RARB: variants seen among roughly 807,000 people sequenced by gnomAD.
The protein encoded by RARB is retinoic acid receptor beta, also known as HBV-activated protein.
A neutral mutation model predicts 51.9 loss-of-function variants in RARB; 17 were observed. The observed-to-expected ratio is 0.33, with a 90% CI of 0.22 to 0.49. RARB has a LOEUF of 0.49. Among genes scored for constraint, RARB ranks in the 20% least tolerant of loss-of-function variants. The pLI, the probability that RARB is intolerant of heterozygous loss-of-function variation, is 0.99. For missense variants in RARB, 369 were observed against 550.8 expected (o/e 0.67, Z 3.30); for synonymous variants, 215 against 195.4 (o/e 1.10, Z -0.84).
chr3:25,583,617 T>A (rs1207313311), intron 5 of RARB, among the ~76,000 whole-genome samples: 1 of 152,184 alleles, frequency 6.6e-6, no homozygotes, highest in African/African-American at 2.4e-5. Flanking sequence ...AGAGCCCTCA[T>A]AATACAGGCA....
intron 2 of RARB, among the ~76,000 whole-genome samples, chr3:25,016,726 T>C (rs1300632651): frequency 6.6e-6 from 1 of 152,128 alleles, no homozygotes. Context: ...CATTTCTTTT[T>C]TCCCCCCAGG....
At chr3:25,279,597 A>G (rs2125415223) in intron 5 of RARB, among the ~76,000 whole-genome samples, 1 of 152,214 alleles carries the variant, frequency 6.6e-6, no homozygotes, top group East Asian at 1.9e-4. Context: ...AAAAAAGTTA[A>G]ATGTTTTTCT....
chr3:25,123,125 A>G (rs1575170825), intron 3 of RARB, among the ~76,000 whole-genome samples: 1 of 152,190 alleles, frequency 6.6e-6, no homozygotes, highest in East Asian at 1.9e-4. Context: ...GAGTTTCATA[A>G]CTGTTTTCTG....
At chr3:25,200,500 G>C (rs1701362310) in intron 5 of RARB, among the ~76,000 whole-genome samples, 1 of 152,064 alleles carries the variant, frequency 6.6e-6, no homozygotes, top group African/African-American at 2.4e-5. Flanking sequence ...TGCTGTTTTA[G>C]ACATGAAGTC....
intron 4 of RARB, among the ~76,000 whole-genome samples, chr3:25,156,199 G>C (rs748525258): frequency 6.6e-6 from 1 of 152,198 alleles, no homozygotes; most frequent in Non-Finnish European, 1.5e-5. Context: ...ACTTTAGCAG[G>C]AATGAATGGG....
rs1559468513 is a variant in RARB, at chr3:25,106,454, T to TTTTTTTTTTTG, written c.-327-25704_-327-25703insTTTTTTTGTTT. 1.4e-4 allele frequency among the ~76,000 whole-genome samples: 13 copies of TTTTTTTTTTTG among 89,854 alleles called. 1 individual carries two copies. Among genetic ancestry groups the TTTTTTTTTTTG allele is most frequent in the African/African-American group, 5.8e-4 (13 of 22,422 alleles). The allele number at this position is 89,854 out of a possible 152,430, so 58.9% of individuals were successfully genotyped here. On this transcript the variant is annotated intron_variant, in intron 3 of 11. Coordinates refer to the RARB transcript ENST00000383772. ...CCATGCCCAGCTACTGTTTTTTGTTTTTTGTTTTTTTTTGTTTTGTTTTTT... is the reference window on the plus strand; with the variant it reads ...CCATGCCCAGCTACTGTTTTTTGTTTTTTTTTTTTTGTTTGTTTTTTTTTGTTTTGTTTTTT...
chr3:24,976,301 G>C (rs1252426355), intron 2 of RARB, among the ~76,000 whole-genome samples: 1 of 152,034 alleles, frequency 6.6e-6, no homozygotes, highest in Non-Finnish European at 1.5e-5. Context: ...GGGATTGCTG[G>C]GTCAAATGAT....
intron 5 of RARB, among the ~76,000 whole-genome samples, chr3:25,303,573 C>A (rs1221543690): frequency 2.0e-5 from 3 of 152,274 alleles, no homozygotes; most frequent in African/African-American, 7.2e-5. Context: ...TTTTGCTGGG[C>A]AGATACCAGC....
intron 3 of RARB, among the ~76,000 whole-genome samples, chr3:25,557,826 C>T (rs1460721612): frequency 6.6e-6 from 1 of 152,146 alleles, no homozygotes; most frequent in African/African-American, 2.4e-5. Flanking sequence ...GAGCTGTGGT[C>T]CAGCCACAGC....
intron 1 of RARB, among the ~76,000 whole-genome samples, chr3:24,855,657 T>C (rs1702621353): frequency 6.6e-6 from 1 of 152,098 alleles, no homozygotes; most frequent in South Asian, 2.1e-4. Flanking sequence ...GTTATATGGA[T>C]TGTTTAAAAA....
chr3:25,105,043 T>C (rs575633009), intron 3 of RARB, among the ~76,000 whole-genome samples: 7 of 152,324 alleles, frequency 4.6e-5, no homozygotes, highest in African/African-American at 1.4e-4. Flanking sequence ...TAAGAATTAA[T>C]AGTTTAATAA....
intron 2 of RARB, among the ~76,000 whole-genome samples, chr3:24,934,343 C>A (rs1695504806): frequency 6.6e-6 from 1 of 152,048 alleles, no homozygotes; most frequent in African/African-American, 2.4e-5. Flanking sequence ...TCAGAGTAGC[C>A]CAGAGATATT....
intron 2 of RARB, among the ~76,000 whole-genome samples, chr3:24,959,025 C>A (rs1344392291): frequency 1.3e-5 from 2 of 152,122 alleles, no homozygotes; most frequent in African/African-American, 4.8e-5. Flanking sequence ...CAATGCAGGC[C>A]CCACAGTAGC....
intron 5 of RARB, among the ~76,000 whole-genome samples, chr3:25,283,810 G>A (rs561419303): frequency 1.1e-4 from 16 of 152,258 alleles, no homozygotes; most frequent in East Asian, 5.8e-4. Context: ...CAGACATGTC[G>A]CTAAGCAACT....
chr3:24,888,529 A>G (rs1007565833), intron 2 of RARB, among the ~76,000 whole-genome samples: 2 of 152,140 alleles, frequency 1.3e-5, no homozygotes, highest in African/African-American at 4.8e-5. Flanking sequence ...CCCTATAATC[A>G]GCCAAAGTTG....
chr3:25,127,398 C>T (rs974122109), intron 3 of RARB, among the ~76,000 whole-genome samples: 1 of 152,186 alleles, frequency 6.6e-6, no homozygotes, highest in Admixed American at 6.5e-5. Flanking sequence ...TCTGAAAAGC[C>T]TTTCCCATGA....
chr3:25,186,211 A>G (rs1172816884), intron 5 of RARB, among the ~76,000 whole-genome samples: 1 of 152,102 alleles, frequency 6.6e-6, no homozygotes, highest in Admixed American at 6.6e-5. Flanking sequence ...TCAACCTCAT[A>G]TTGGTGATAC....
chr3:25,291,178 A>G (rs546015917), intron 5 of RARB, among the ~76,000 whole-genome samples: 176 of 152,310 alleles, frequency 1.2e-3, no homozygotes, highest in African/African-American at 4.0e-3. Flanking sequence ...CTGCTTCACA[A>G]AAATGTACAC....
intron 3 of RARB, among the ~76,000 whole-genome samples, chr3:25,520,779 C>A (rs1698367640): frequency 6.6e-6 from 1 of 152,176 alleles, no homozygotes; most frequent in African/African-American, 2.4e-5. Context: ...AATGCTCTAA[C>A]ACTTAAGTCC....
Sources: allele counts gnomAD v4.1 joint callset (sites outside exome capture counted in the v4.1 genomes callset), GRCh38; gene constraint gnomAD v4.1.1; transcripts MANE v1.5; gene names NCBI Gene and HGNC (gene_info 2026-07-23, HGNC 2026-07-21).